The following POLR2F variants were observed in gnomAD, a reference collection of about 807,000 sequenced individuals.
POLR2F encodes the protein RNA polymerase II, I and III subunit F.
POLR2F carries 12 observed loss-of-function variants against 22.7 expected under a neutral mutation model. The ratio of observed to expected loss-of-function variants is 0.53; its 90% CI spans 0.34 to 0.86. The LOEUF is 0.86. Ranked by LOEUF, POLR2F falls within the 40% of genes least tolerant of loss-of-function variation. POLR2F has a pLI of 0.02. For missense variants in POLR2F, 126 were observed against 171.5 expected (o/e 0.73, Z 1.48); for synonymous variants, 57 against 66.0 (o/e 0.86, Z 0.66).
At position 37,994,458 on chromosome 22, in the gene POLR2F, C is replaced by T. The variant is rs73417806; in HGVS notation, c.120+8146C>T. The stretch of plus-strand genomic sequence containing the variant: ...TACTTCCCGGGCTTAATCGATCCCC[C>T]ACCTCAGCCTTCCAAGTAGCTGGTA... On this transcript the variant is annotated intron_variant, in intron 1 of 2. Coordinates refer to the POLR2F transcript ENST00000333418. 4.3e-3 allele frequency among the ~76,000 whole-genome samples: 653 copies of T among 152,302 alleles called. 5 individuals are homozygous for T. Among genetic ancestry groups the T allele is most frequent in the African/African-American group, 0.015 (619 of 41,572 alleles).
chr22:37,994,907 A>G (rs1157977927), intron 1 of POLR2F, among the ~76,000 whole-genome samples: 2 of 152,154 alleles, frequency 1.3e-5, no homozygotes, highest in Non-Finnish European at 2.9e-5. Context: ...GGCCTCCCAA[A>G]ATGCTGGGAT....
At chr22:37,977,641 C>T (rs1252211351) in intron 4 of POLR2F, among the ~76,000 whole-genome samples, 1 of 152,076 alleles carries the variant, frequency 6.6e-6, no homozygotes. Context: ...CTTTAACTGG[C>T]CCTCTTTGCC....
At chr22:37,981,949 G>A (rs184276867), upstream of POLR2F, among the ~76,000 whole-genome samples, 5 of 152,314 alleles carry the variant, frequency 3.3e-5, no homozygotes, top group African/African-American at 4.8e-5. Context: ...GCCAGGGGGC[G>A]GGATGTGAAT....
chr22:37,978,013 G>A lies in POLR2F; in HGVS notation c.293+10843G>A. 6.2e-7 allele frequency: 1 copy of A among 1,611,760 alleles called. No individual in the cohort carries two copies. The highest frequency in any genetic ancestry group is 1.1e-5 in the South Asian group (1 of 90,970). ...ACCGGGGCACTCCGCCTCGCCCTGGGCGGCCTTCCCGTTCTTCCGCCGCCT... is the reference window on the plus strand; with the variant it reads ...ACCGGGGCACTCCGCCTCGCCCTGGACGGCCTTCCCGTTCTTCCGCCGCCT... On this transcript the variant is annotated intron_variant, in intron 4 of 4. Coordinates refer to the POLR2F transcript ENST00000405557. The surrounding 1 kb of genome is among the most constrained non-coding windows in gnomAD (Gnocchi z 5.0).
At chr22:38,029,555 C>A (rs1465042551), downstream of POLR2F, among the ~76,000 whole-genome samples, 1 of 152,190 alleles carries the variant, frequency 6.6e-6, no homozygotes, top group African/African-American at 2.4e-5. Flanking sequence ...TCAATGGAGG[C>A]AGCACCTGGG....
chr22:37,979,484 G>A (rs1229370165), intron 4 of POLR2F, among the ~76,000 whole-genome samples: 1 of 151,992 alleles, frequency 6.6e-6, no homozygotes, highest in Admixed American at 6.6e-5. Context: ...TCCTGATTGT[G>A]TGAATTCCAG....
At chr22:37,990,270 C>T (rs1314318039) in intron 1 of POLR2F, among the ~76,000 whole-genome samples, 1 of 152,208 alleles carries the variant, frequency 6.6e-6, no homozygotes, top group Non-Finnish European at 1.5e-5. Context: ...GTTTCTGGTG[C>T]AAGCAGAGGG....
Position 37,967,204 on chromosome 22 carries a change from A to G in POLR2F, c.293+34A>G, listed in dbSNP as rs1931889617. On this transcript the variant is annotated intron_variant, in intron 4 of 4. Transcript: ENST00000442738. Reference sequence around the variant, plus strand: ...CTCAAATCATGGTTCACTTCTCCAAATCTCTGGGAGGCATCTGTTGGGCTC... The same window carrying G: ...CTCAAATCATGGTTCACTTCTCCAAGTCTCTGGGAGGCATCTGTTGGGCTC... 3 of 1,606,214 alleles carry G rather than the reference A, an allele frequency of 1.9e-6. No homozygotes were observed. In the South Asian group the frequency reaches 3.3e-5, roughly 18 times the overall value.
At chr22:37,994,887 C>G (rs1301583687) in intron 1 of POLR2F, among the ~76,000 whole-genome samples, 1 of 152,220 alleles carries the variant, frequency 6.6e-6, no homozygotes, top group African/African-American at 2.4e-5. Flanking sequence ...TCAAGCTATC[C>G]TCCCGCCTTG....
chr22:38,003,969 C>T (rs1386834299), intron 1 of POLR2F, among the ~76,000 whole-genome samples: 2 of 151,896 alleles, frequency 1.3e-5, no homozygotes, highest in South Asian at 2.1e-4. Flanking sequence ...GAGTGGAGGC[C>T]GGAGACCCAC....
chr22:37,969,413 C>A, downstream of POLR2F: 1 of 717,142 alleles, frequency 1.4e-6, no homozygotes, highest in Non-Finnish European at 1.7e-6. Context: ...CTTCCTGAGG[C>A]CTGTGCACAC....
At chr22:38,036,645 C>G (rs2085118801) in intron 5 of POLR2F, among the ~76,000 whole-genome samples, 1 of 151,668 alleles carries the variant, frequency 6.6e-6, no homozygotes, top group South Asian at 2.1e-4. Context: ...AGGGCTGCGG[C>G]CAAGAACTGT....
At chr22:37,999,694 G>A (rs2084751445) in intron 1 of POLR2F, among the ~76,000 whole-genome samples, 1 of 152,162 alleles carries the variant, frequency 6.6e-6, no homozygotes, top group Non-Finnish European at 1.5e-5. Flanking sequence ...GGCAGTCAGA[G>A]CAGGGTGCCC....
chr22:37,972,345 C>A, downstream of POLR2F: 1 of 739,892 alleles, frequency 1.4e-6, no homozygotes, highest in Non-Finnish European at 2.1e-6. Context: ...ATGTGGAATG[C>A]TTAATGCAGA....
At chr22:38,019,297 A>G (rs1301604445) in intron 1 of POLR2F, among the ~76,000 whole-genome samples, 2 of 152,010 alleles carry the variant, frequency 1.3e-5, no homozygotes, top group Non-Finnish European at 2.9e-5. Context: ...CCCGGGCTTG[A>G]CATTCCCCAA....
At chr22:38,028,833 G>T (rs1047087972), downstream of POLR2F, among the ~76,000 whole-genome samples, 68 of 152,170 alleles carry the variant, frequency 4.5e-4, 1 homozygote, top group Non-Finnish European at 5.9e-5. Context: ...CCCTCCACCC[G>T]CACTGTGATA....
chr22:38,000,444 T>G (rs548417745), intron 1 of POLR2F, among the ~76,000 whole-genome samples: 1 of 152,168 alleles, frequency 6.6e-6, no homozygotes, highest in Middle Eastern at 3.2e-3. Flanking sequence ...TCCTTACTTA[T>G]AGCTGGGGTG....
At chr22:37,993,102 CT>C (rs1932754391) in intron 1 of POLR2F, among the ~76,000 whole-genome samples, 1 of 152,134 alleles carries the variant, frequency 6.6e-6, no homozygotes, top group Non-Finnish European at 1.5e-5. Flanking sequence ...CAGAGGGGAC[CT>C]TTATGAGATG....
upstream of POLR2F, chr22:37,983,312 C>A (rs746593885): frequency 8.3e-6 from 13 of 1,569,382 alleles, no homozygotes; most frequent in Non-Finnish European, 1.0e-5. This position sits in a 1 kb window ranked among gnomAD's most constrained non-coding sequence, Gnocchi z 9.5. Flanking sequence ...CCTGAATCCA[C>A]CCGAAGCTAG....
Sources: allele counts gnomAD v4.1 joint callset (sites outside exome capture counted in the v4.1 genomes callset), GRCh38; gene constraint gnomAD v4.1.1; non-coding constraint Gnocchi (gnomAD v3.1); transcripts MANE v1.5; gene names NCBI Gene and HGNC (gene_info 2026-07-23, HGNC 2026-07-21).